The following LARP6 variants were observed in gnomAD, a reference collection of about 807,000 sequenced individuals.
LARP6 encodes la-related protein 6.
A neutral mutation model predicts 32.8 loss-of-function variants in LARP6; 18 were observed. The observed-to-expected ratio is 0.55, with a 90% CI of 0.38 to 0.81. The LOEUF (loss-of-function observed/expected upper bound fraction) is 0.81, where lower values mean the gene tolerates loss of function less well. Among genes scored for constraint, LARP6 ranks in the 40% least tolerant of loss-of-function variants. The pLI is 0.00. For synonymous variants in LARP6, 289 were observed against 267.2 expected (o/e 1.08, Z -0.80); for missense variants, 598 against 663.1 (o/e 0.90, Z 1.08).
At chr15:70,835,102 A>C (rs2032123472) in intron 2 of LARP6, among the ~76,000 whole-genome samples, 1 of 152,174 alleles carries the variant, frequency 6.6e-6, no homozygotes, top group Admixed American at 6.5e-5. Flanking sequence ...GATCCCCCAC[A>C]AACACTTTTC....
At chr15:70,840,912 C>CTTTT (rs71438504) in intron 1 of LARP6, among the ~76,000 whole-genome samples, 3 of 139,494 alleles carry the variant, frequency 2.2e-5, no homozygotes, top group African/African-American at 7.9e-5. Context: ...TCTTTTCTCT[C>CTTTT]TTTTTTTTTT....
chr15:70,835,919 G>C (rs1197686517), intron 2 of LARP6, among the ~76,000 whole-genome samples: 1 of 152,194 alleles, frequency 6.6e-6, no homozygotes, highest in Non-Finnish European at 1.5e-5. Flanking sequence ...CAAATGAAAA[G>C]CTTGAATTTC....
intron 1 of LARP6, among the ~76,000 whole-genome samples, chr15:70,847,491 T>A (rs1595955600): frequency 6.6e-6 from 1 of 152,094 alleles, no homozygotes; most frequent in Non-Finnish European, 1.5e-5. Flanking sequence ...CGCCTCAGCC[T>A]CCTGAGTAGC....
chr15:70,852,256 A>C (rs753205139), intron 1 of LARP6: 1 of 455,602 alleles, frequency 2.2e-6, no homozygotes, highest in Non-Finnish European at 4.4e-6. Flanking sequence ...TCTGGGGTCA[A>C]CTCTATGCCA....
rs184988585 is a variant in LARP6 at position 70,831,102 on chromosome 15, C to T, written c.*950G>A. The T allele has an allele frequency of 1.2e-3, 176 of 152,386 alleles. No individual in the cohort carries two copies. Among genetic ancestry groups the T allele is most frequent in the African/African-American group, 4.1e-3 (172 of 41,574 alleles). 9.4% of individuals were successfully genotyped at this position (152,386 alleles called of 1,614,324 possible). ...CGTTTGTTAAAACCCAAATTCCAGG[C>T]CTTTCTCCCAGACTTTCTAATTCAG... On this transcript the variant is annotated 3_prime_UTR_variant, in exon 3 of 3. Transcript: ENST00000299213.
At chr15:70,846,206 C>A (rs1465738472) in intron 1 of LARP6, among the ~76,000 whole-genome samples, 1 of 152,214 alleles carries the variant, frequency 6.6e-6, no homozygotes, top group African/African-American at 2.4e-5. Context: ...TGCCATATTA[C>A]ATGTTTTGAA....
intron 1 of LARP6, among the ~76,000 whole-genome samples, chr15:70,852,676 G>C (rs2032503957): frequency 1.3e-5 from 2 of 152,150 alleles, no homozygotes; most frequent in African/African-American, 4.8e-5. Context: ...ATCAGGCCTT[G>C]CATTATAAAG....
chr15:70,847,304 G>A (rs2032365897), intron 1 of LARP6, among the ~76,000 whole-genome samples: 1 of 152,036 alleles, frequency 6.6e-6, no homozygotes, highest in African/African-American at 2.4e-5. Flanking sequence ...ATAAACCTGT[G>A]AGAAATGGGT....
rs957410600 is a variant in LARP6, at chr15:70,831,323, C to T, written c.*729G>A. 6.6e-6 allele frequency: 1 copy of T among 152,204 alleles called. No individual in the cohort carries two copies. Among genetic ancestry groups the T allele is most frequent in the African/African-American group, 2.4e-5 (1 of 41,440 alleles). The allele number at this position is 152,204 out of a possible 1,614,324, so 9.4% of individuals were successfully genotyped here. On this transcript the variant is annotated 3_prime_UTR_variant, in exon 3 of 3. Transcript: ENST00000299213. ...GGCTGCCCTGGGGTACAGTGAGAAA[C>T]CCTAAATGCCCTGACTTGATCACTA...
rs199635428 is a variant in LARP6, at chr15:70,832,449, T to C, written c.1079A>G (p.Lys360Arg). Residue 360 changes from lysine (K) to arginine (R), a missense_variant, in exon 3 of 3, where the codon AAG becomes AGG. Physicochemically the swap from Lys to Arg is conservative, Grantham distance 26. Coordinates refer to ENST00000299213, the MANE Select transcript of LARP6 (RefSeq NM_018357.4). Reference sequence around the variant, plus strand: ...ATTCTGGTGGCCAGACGGGCTGAGCTTGTTGGTGGCCGCGTGCCGTCGGCC... The same window carrying C: ...ATTCTGGTGGCCAGACGGGCTGAGCCTGTTGGTGGCCGCGTGCCGTCGGCC... Reference protein sequence around the residue: ...MAGRRHAATNKLSPSGHQNLF... With the variant: ...MAGRRHAATNRLSPSGHQNLF... 110 of 1,563,318 alleles carry C rather than the reference T, an allele frequency of 7.0e-5. No individual in the cohort carries two copies. In the South Asian group the frequency reaches 1.2e-3, roughly 18 times the overall value.
chr15:70,838,912 C>CAAAAAAAAAAAAAA, intron 1 of LARP6, among the ~76,000 whole-genome samples: 1 of 102,902 alleles, frequency 9.7e-6, no homozygotes, highest in Non-Finnish European at 1.9e-5. Context: ...CTCAGCCTCA[C>CAAAAAAAAAAAAAA]AAAAAAAAAA....
chr15:70,841,034 C>G (rs1288495902), intron 1 of LARP6, among the ~76,000 whole-genome samples: 1 of 152,014 alleles, frequency 6.6e-6, no homozygotes, highest in Non-Finnish European at 1.5e-5. Context: ...CTGCCTCAGC[C>G]TCCCGAGTAG....
At chr15:70,839,292 T>C (rs552115347) in intron 1 of LARP6, among the ~76,000 whole-genome samples, 1 of 152,060 alleles carries the variant, frequency 6.6e-6, no homozygotes, top group African/African-American at 2.4e-5. Flanking sequence ...TACAAAAAAT[T>C]AGCCGGGTGT....
In LARP6 at chr15:70,832,384, A is replaced by G; in HGVS notation, c.1144T>C (p.Trp382Arg). ...TTGCGTTGGGCCAAGGGGCTGCTCC[A>G]AGGACTTGTGCACGGGGAGGCATTT... ...SPNASPCTSPWSSPLAQRKGV... is the reference protein window; with the variant it reads ...SPNASPCTSPRSSPLAQRKGV... Residue 382 changes from tryptophan to arginine, a missense_variant, in exon 3 of 3, where the codon TGG becomes CGG. Physicochemically the swap from Trp to Arg is moderately radical, Grantham distance 101 (BLOSUM62 -3). Around this residue, in one of 3 missense-constraint regions of LARP6, gnomAD observed 368 missense variants for 397.9 expected, o/e 0.92. Transcript: ENST00000299213. The G allele has an allele frequency of 3.1e-6, 5 of 1,612,072 alleles. No homozygotes were observed. Among genetic ancestry groups the G allele is most frequent in the Non-Finnish European group, 4.2e-6 (5 of 1,179,122 alleles).
chr15:70,836,635 A>G, intron 1 of LARP6, 130 bp from the exon 2 acceptor site: 1 of 701,714 alleles, frequency 1.4e-6, no homozygotes, highest in Non-Finnish European at 2.5e-6. Context: ...GTCACTGCAG[A>G]TGCAATTAAT....
intron 1 of LARP6, among the ~76,000 whole-genome samples, chr15:70,837,203 T>C (rs572415772): frequency 1.6e-5 from 2 of 127,732 alleles, no homozygotes; most frequent in East Asian, 2.3e-4. Context: ...GGACCCCTGT[T>C]GCTACAAAAC....
chr15:70,840,468 G>C (rs531365860), intron 1 of LARP6, among the ~76,000 whole-genome samples: 1 of 152,090 alleles, frequency 6.6e-6, no homozygotes, highest in Non-Finnish European at 1.5e-5. Flanking sequence ...TGAACCCGGC[G>C]GGCGGAGGTT....
chr15:70,842,708 G>A (rs2032279298), intron 1 of LARP6, among the ~76,000 whole-genome samples: 1 of 152,138 alleles, frequency 6.6e-6, no homozygotes, highest in South Asian at 2.1e-4. Context: ...TATCCATAAT[G>A]TATTGGGGGT....
intron 1 of LARP6, among the ~76,000 whole-genome samples, chr15:70,838,949 A>G (rs932019847): frequency 6.6e-6 from 1 of 151,208 alleles, no homozygotes; most frequent in Non-Finnish European, 1.5e-5. Flanking sequence ...ACTGTGGAAT[A>G]CTCAAAATGA....
Sources: allele counts gnomAD v4.1 joint callset (sites outside exome capture counted in the v4.1 genomes callset), GRCh38; gene constraint gnomAD v4.1.1; regional missense constraint gnomAD v4.1.1; transcripts MANE v1.5; gene names NCBI Gene and HGNC (gene_info 2026-07-23, HGNC 2026-07-21).